Variants in ATP2A3 observed in about 807,000 individuals in gnomAD.
The protein encoded by ATP2A3 is ATPase sarcoplasmic/endoplasmic reticulum Ca2+ transporting 3.
In ATP2A3, 61 loss-of-function variants were observed where a neutral mutation model predicts 106.8. The observed-to-expected ratio is 0.57, with a 90% confidence interval of 0.46 to 0.71. The LOEUF (loss-of-function observed/expected upper bound fraction) is 0.71. ATP2A3 is among the 30% of genes least tolerant of loss of function. The pLI is 0.00. For synonymous variants in ATP2A3, 611 were observed against 609.3 expected, an observed-to-expected ratio of 1.00 and a Z score of -0.04; for missense variants, 1,201 against 1,423.5, an observed-to-expected ratio of 0.84 and a Z score of 2.52.
chr17:3,939,846 C>CAAA (rs1287663733), intron 14 of ATP2A3, among the ~76,000 whole-genome samples: 1 of 130,032 alleles, frequency 7.7e-6, no homozygotes, highest in African/African-American at 2.9e-5. Context: ...AGATAGATCT[C>CAAA]AAAAAAGCCC....
intron 17 of ATP2A3, 109 bp downstream of exon 17, chr17:3,935,083 G>T: frequency 8.8e-7 from 1 of 1,142,190 alleles, no homozygotes; most frequent in Non-Finnish European, 1.3e-6. Flanking sequence ...TGTATAGCGA[G>T]TGGGGAAGGA....
rs772356602 is a variant in ATP2A3, at chr17:3,951,568, C to T, written c.324+13G>A. Reference sequence around the variant, plus strand: ...ACCGCCCCCCGCCCGGTCCCACCCCCAGTGCCTCCCACCTGCCACACGCCC... The same window carrying T: ...ACCGCCCCCCGCCCGGTCCCACCCCTAGTGCCTCCCACCTGCCACACGCCC... On this transcript the variant is annotated intron_variant, in intron 4 of 20. Transcript: ENST00000397041. 1 of 1,567,128 alleles carries T rather than the reference C, an allele frequency of 6.4e-7. No homozygotes were observed. The highest frequency in any genetic ancestry group is 1.2e-5 in the South Asian group (1 of 85,470).
At position 3,924,427 on chromosome 17, in the gene ATP2A3, T is replaced by G. The variant is rs1314269170; in HGVS notation, c.*995A>C. The G allele has an allele frequency of 4.7e-6, 1 of 210,816 alleles. No individual in the cohort carries two copies. Among genetic ancestry groups the G allele is most frequent in the East Asian group, 1.6e-4 (1 of 6,318 alleles). The allele number at this position is 210,816 out of a possible 1,614,324, so 13.1% of individuals were successfully genotyped here. A position where few individuals can be genotyped will look rare whatever the true frequency, so the allele number is the denominator to read the frequency against. Reference sequence around the variant, plus strand: ...ACATCCTTTCGGCTCATGGGTGTCGTGGGGAGGGGGCAAGGAGTGAGGCCA... The same window carrying G: ...ACATCCTTTCGGCTCATGGGTGTCGGGGGGAGGGGGCAAGGAGTGAGGCCA... On this transcript the variant is annotated 3_prime_UTR_variant, in exon 21 of 21. Coordinates refer to ENST00000397041, the MANE Select transcript of ATP2A3 (RefSeq NM_005173.4). This position sits in a 1 kb window ranked among gnomAD's most constrained non-coding sequence, Gnocchi z 6.4.
At position 3,925,845 on chromosome 17, in the gene ATP2A3, C is replaced by CAGGCCTCG. The variant is rs2052680119; in HGVS notation, c.2981-405_2981-404insCGAGGCCT. 1.3e-5 allele frequency among the ~76,000 whole-genome samples: 2 copies of CAGGCCTCG among 152,148 alleles called. No individual in the cohort carries two copies. The highest frequency in any genetic ancestry group is 6.5e-5 in the Admixed American group (1 of 15,274). ...CATCTCTCCCACTGCCTTCCCCAAC[C>CAGGCCTCG]AGGCCTCAAGGCCTCAAGGCCTGCC... On this transcript the variant is annotated intron_variant, in intron 20 of 20. Coordinates refer to ENST00000397041, the MANE Select transcript of ATP2A3 (RefSeq NM_005173.4). This position sits in a 1 kb window ranked among gnomAD's most constrained non-coding sequence, Gnocchi z 4.2.
intron 4 of ATP2A3, 38 bp downstream of exon 4, chr17:3,951,543 A>ACCCCCCCCCCCCCCCCCCCCCCCCCC: frequency 2.9e-6 from 4 of 1,387,004 alleles, no homozygotes; most frequent in Non-Finnish European, 3.9e-6. Flanking sequence ...TGGCTGGGAG[A>ACCCCCCCCCCCCCCCCCCCCCCCCCC]CCGCCCCCCG....
At chr17:3,938,582 A>G (rs1217484105) in intron 14 of ATP2A3, among the ~76,000 whole-genome samples, 2 of 151,550 alleles carry the variant, frequency 1.3e-5, no homozygotes, top group Non-Finnish European at 2.9e-5. Context: ...GTCTCACTCT[A>G]TCGCCCAGGC....
intron 11 of ATP2A3, 69 bp downstream of exon 11, chr17:3,943,322 C>G (rs1197525617): frequency 2.5e-6 from 4 of 1,597,252 alleles, no homozygotes; most frequent in Non-Finnish European, 3.4e-6. Context: ...AGTGTCCTGT[C>G]TGCCTTCTCC....
chr17:3,924,827 C>T lies in ATP2A3; in HGVS notation c.*595G>A, dbSNP rs762179614. The T allele has an allele frequency of 3.9e-5, 18 of 456,618 alleles. No homozygotes were observed. Among genetic ancestry groups the T allele is most frequent in the Non-Finnish European group, 6.2e-5 (14 of 227,022 alleles). 28.3% of individuals were successfully genotyped at this position (456,618 alleles called of 1,614,324 possible). On this transcript the variant is annotated 3_prime_UTR_variant, in exon 21 of 21. Transcript: ENST00000397041. The surrounding 1 kb of genome is among the most constrained non-coding windows in gnomAD (Gnocchi z 6.4). ...CTGCACATATAAACAGAAGCAGCCT[C>T]GAGCTCTCGGGAGCCGACTTTGTGG...
chr17:3,953,983 A>G lies in ATP2A3; in HGVS notation c.119-273T>C, dbSNP rs1454459675. Among the ~76,000 whole-genome samples, 5 of 151,932 alleles carry G rather than the reference A, an allele frequency of 3.3e-5. No individual in the cohort carries two copies. The highest frequency in any genetic ancestry group is 7.4e-5 in the Non-Finnish European group (5 of 67,944). ...AGTACGGAGCCAAGAGGGTCCTTCC[A>G]GCCCCTCCAGTCCAGCCCCTCCCTG... On this transcript the variant is annotated intron_variant, in intron 1 of 20. Transcript: ENST00000397041. The surrounding 1 kb of genome is among the most constrained non-coding windows in gnomAD (Gnocchi z 5.1).
chr17:3,948,458 C>G (rs574357242), intron 7 of ATP2A3, among the ~76,000 whole-genome samples: 2 of 152,206 alleles, frequency 1.3e-5, no homozygotes, highest in East Asian at 3.9e-4. Context: ...TTGGGGCTGG[C>G]GAGAAGGCAG....
In ATP2A3 at chr17:3,925,293, C is replaced by T; in HGVS notation, c.*129G>A. ...GGGGATGGCCATTCTGACCTCGGGCCTGTCATTTATCCGGCGGGACCCGGT... is the reference window on the plus strand; with the variant it reads ...GGGGATGGCCATTCTGACCTCGGGCTTGTCATTTATCCGGCGGGACCCGGT... On this transcript the variant is annotated 3_prime_UTR_variant, in exon 21 of 21. Transcript: ENST00000397041. This position sits in a 1 kb window ranked among gnomAD's most constrained non-coding sequence, Gnocchi z 4.2. 3 of 1,526,942 alleles carry T rather than the reference C, an allele frequency of 2.0e-6. No homozygotes were observed. The highest frequency in any genetic ancestry group is 2.7e-6 in the Non-Finnish European group (3 of 1,112,800). 94.6% of individuals were successfully genotyped at this position (1,526,942 alleles called of 1,614,324 possible). A position where few individuals can be genotyped will look rare whatever the true frequency, so the allele number is the denominator to read the frequency against.
At chr17:3,948,932 C>T (rs1283052754) in intron 7 of ATP2A3, among the ~76,000 whole-genome samples, 2 of 151,998 alleles carry the variant, frequency 1.3e-5, no homozygotes, top group Non-Finnish European at 2.9e-5. Context: ...AGTTTGGGAC[C>T]AGCCTGGCCA....
chr17:3,955,315 G>A lies in ATP2A3; in HGVS notation c.119-1605C>T, dbSNP rs1389593704. 6.6e-6 allele frequency among the ~76,000 whole-genome samples: 1 copy of A among 152,174 alleles called. No individual in the cohort carries two copies. The highest frequency in any genetic ancestry group is 1.5e-5 in the Non-Finnish European group (1 of 68,032). ...CTCTCCCCGGACCACCTGTTTGGAA[G>A]CTTTGGGGTCTGCACCTGGCAGCTG... is the stretch of plus-strand genomic sequence containing the variant. On this transcript the variant is annotated intron_variant, in intron 1 of 20. Transcript: ENST00000397041. The surrounding 1 kb of genome is among the most constrained non-coding windows in gnomAD (Gnocchi z 4.2).
intron 15 of ATP2A3, chr17:3,937,175 G>A (rs1416623498): frequency 8.9e-6 from 5 of 564,158 alleles, no homozygotes; most frequent in East Asian, 3.0e-5. Context: ...GCTGACAGGC[G>A]ACTCTTCAGG....
At chr17:3,940,661 C>T (rs1168179330) in intron 14 of ATP2A3, among the ~76,000 whole-genome samples, 2 of 152,086 alleles carry the variant, frequency 1.3e-5, no homozygotes, top group Non-Finnish European at 1.5e-5. Context: ...GAATGCACCA[C>T]CACGCCCCGC....
rs369492405 is a variant in ATP2A3, at chr17:3,941,526, C to T, written c.1674G>A (p.Thr558=). The change falls in exon 13 of 21, where the codon ACG becomes ACA. Residue 558 remains threonine (T), a synonymous_variant. Transcript: ENST00000397041. ...KIRDWGSGSD[T]LRCLALATRD... ...GGGTGGCCAGTGCCAGGCAGCGCAGCGTGTCTGAGCCTGAGCCCCAATCCC... is the reference window on the plus strand; with the variant it reads ...GGGTGGCCAGTGCCAGGCAGCGCAGTGTGTCTGAGCCTGAGCCCCAATCCC... 7 of 1,613,810 alleles carry T rather than the reference C, an allele frequency of 4.3e-6. No individual in the cohort carries two copies. The highest frequency in any genetic ancestry group is 4.2e-6 in the Non-Finnish European group (5 of 1,179,964).
chr17:3,950,684 G>C lies in ATP2A3; in HGVS notation c.544+9C>G, dbSNP rs2144634964. 1 of 1,613,940 alleles carries C rather than the reference G, an allele frequency of 6.2e-7. No individual in the cohort carries two copies. On this transcript the variant is annotated intron_variant, in intron 6 of 20. Coordinates refer to ENST00000397041, the MANE Select transcript of ATP2A3 (RefSeq NM_005173.4). ...CCACTAGGTCCCGGCCTCCTGGGGG[G>C]GGCCTCACCCGTCAGGATGGACTGG...
chr17:3,953,680 G>A lies in ATP2A3; in HGVS notation c.136+13C>T. The A allele has an allele frequency of 1.3e-6, 2 of 1,563,210 alleles. No individual in the cohort carries two copies. The highest frequency in any genetic ancestry group is 1.4e-5 in the African/African-American group (1 of 73,680). ...GCCCGCGGCCTAGAGGTCCATCCCG[G>A]TGCCAGCCTCACCTTCCTCACTCGG... On this transcript the variant is annotated intron_variant, in intron 2 of 20. Coordinates refer to ENST00000397041, the MANE Select transcript of ATP2A3 (RefSeq NM_005173.4). The surrounding 1 kb of genome is among the most constrained non-coding windows in gnomAD (Gnocchi z 5.1).
In ATP2A3 at chr17:3,941,196, C is replaced by G. The variant is rs61731020; in HGVS notation, c.1875G>C (p.Thr625=). ...CCACGGCAGTGCCTTTGTTATCCCC[C>G]GTGATCATGACCACGCGGATGCCCG... ...YQAGIRVVMI[T]GDNKGTAVAI... The change falls in exon 14 of 21, where the codon ACG becomes ACC. Residue 625 remains threonine, a synonymous_variant. Transcript: ENST00000397041. 704 of 1,614,152 alleles carry G rather than the reference C, an allele frequency of 4.4e-4. 11 individuals are homozygous for G. In the South Asian group the frequency reaches 7.4e-3, roughly 17 times the overall value.
Sources: allele counts gnomAD v4.1 joint callset (sites outside exome capture counted in the v4.1 genomes callset), GRCh38; gene constraint gnomAD v4.1.1; non-coding constraint Gnocchi (gnomAD v3.1); transcripts MANE v1.5; gene names NCBI Gene and HGNC (gene_info 2026-07-23, HGNC 2026-07-21).